The following FGF14 variants were observed in gnomAD, a reference collection of about 807,000 sequenced individuals.
FGF14 encodes fibroblast growth factor homologous factor 4.
FGF14 carries 5 observed loss-of-function variants against 25.5 expected under a neutral mutation model. The observed-to-expected ratio is 0.20, with a 90% CI of 0.10 to 0.41. FGF14 has a LOEUF of 0.41. FGF14 is among the 10% of genes least tolerant of loss of function. FGF14 has a pLI of 1.00. For synonymous variants in FGF14, 138 were observed against 118.3 expected (o/e 1.17, Z -1.08); for missense variants, 222 against 320.1 (o/e 0.69, Z 2.34).
chr13:102,019,421 G>A (rs369737439), intron 1 of FGF14, among the ~76,000 whole-genome samples: 44 of 152,224 alleles, frequency 2.9e-4, no homozygotes, highest in Middle Eastern at 6.8e-3. Context: ...TGCCCCGCTC[G>A]AGAGCATCTC....
chr13:101,939,807 C>A (rs1394985912), intron 1 of FGF14, among the ~76,000 whole-genome samples: 2 of 151,950 alleles, frequency 1.3e-5, no homozygotes, highest in Non-Finnish European at 2.9e-5. Context: ...AAGTTAAAGT[C>A]AAAAACCACC....
intron 1 of FGF14, among the ~76,000 whole-genome samples, chr13:101,915,157 G>C (rs2033336676): frequency 6.6e-6 from 1 of 152,122 alleles, no homozygotes; most frequent in African/African-American, 2.4e-5. Flanking sequence ...TTTGAAGCTT[G>C]ATAGTAAGAG....
At chr13:101,995,698 A>G (rs147525526) in intron 1 of FGF14, among the ~76,000 whole-genome samples, 246 of 152,324 alleles carry the variant, frequency 1.6e-3, no homozygotes, top group African/African-American at 5.6e-3. Context: ...AAGAGGAGAG[A>G]AGAGCAACTC....
rs895984896 is a variant in FGF14, at chr13:101,780,879, G to A, written c.409-54069C>T. 1.4e-4 allele frequency among the ~76,000 whole-genome samples: 22 copies of A among 152,150 alleles called. No individual in the cohort carries two copies. In the East Asian group the frequency reaches 4.1e-3, roughly 28 times the overall value. On this transcript the variant is annotated intron_variant, in intron 3 of 4. Coordinates refer to ENST00000376143, the MANE Select transcript of FGF14 (RefSeq NM_004115.4). ...AATTTAGGAACTCTAACGTTCCTCCGAAGCAGACGGCTCCTTGCTCTAAGA... is the reference window on the plus strand; with the variant it reads ...AATTTAGGAACTCTAACGTTCCTCCAAAGCAGACGGCTCCTTGCTCTAAGA...
intron 1 of FGF14, among the ~76,000 whole-genome samples, chr13:102,018,444 A>C (rs1183321064): frequency 1.3e-5 from 2 of 151,952 alleles, no homozygotes; most frequent in Non-Finnish European, 2.9e-5. Flanking sequence ...AGAATCCTCT[A>C]CTGAGTCAAT....
chr13:102,208,609 GT>G (rs1458188398), intron 1 of FGF14, among the ~76,000 whole-genome samples: 3 of 152,130 alleles, frequency 2.0e-5, no homozygotes, highest in African/African-American at 7.2e-5. Context: ...CATATTCCCT[GT>G]TAAAAACCAC....
At chr13:101,854,847 T>C (rs774013645) in intron 3 of FGF14, among the ~76,000 whole-genome samples, 2 of 152,052 alleles carry the variant, frequency 1.3e-5, no homozygotes, top group African/African-American at 2.4e-5. Context: ...TTGTGAATTA[T>C]AGATCTTACA....
At chr13:101,985,435 T>C (rs556594052) in intron 1 of FGF14, among the ~76,000 whole-genome samples, 121 of 152,248 alleles carry the variant, frequency 7.9e-4, no homozygotes, top group African/African-American at 2.8e-3. Flanking sequence ...AAATGTTCCA[T>C]GGACCATGTG....
intron 1 of FGF14, among the ~76,000 whole-genome samples, chr13:102,278,645 T>TAC (rs1445760652): frequency 0.02 from 2,947 of 147,034 alleles, 110 homozygotes; most frequent in African/African-American, 0.07. Context: ...TATATATATA[T>TAC]ACATACACAC....
intron 3 of FGF14, among the ~76,000 whole-genome samples, chr13:101,811,756 C>G (rs2041522180): frequency 6.6e-6 from 1 of 152,164 alleles, no homozygotes; most frequent in Non-Finnish European, 1.5e-5. Flanking sequence ...GTTCCTGTTG[C>G]TCCCCAGCGT....
chr13:102,154,913 A>C (rs932552728), intron 1 of FGF14, among the ~76,000 whole-genome samples: 3 of 152,212 alleles, frequency 2.0e-5, no homozygotes, highest in Non-Finnish European at 2.9e-5. Flanking sequence ...AAAGAGACAA[A>C]GAAGGCCATT....
chr13:102,031,259 G>A (rs541728538), intron 1 of FGF14, among the ~76,000 whole-genome samples: 5 of 152,002 alleles, frequency 3.3e-5, no homozygotes, highest in African/African-American at 1.2e-4. Flanking sequence ...GACTATTTTT[G>A]TTGTAAAAAT....
chr13:101,889,539 A>G (rs1254580110), intron 1 of FGF14, among the ~76,000 whole-genome samples: 1 of 152,194 alleles, frequency 6.6e-6, no homozygotes, highest in African/African-American at 2.4e-5. Flanking sequence ...AAATAACCAG[A>G]CATATTTATA....
chr13:102,150,191 A>G (rs2047021748), intron 1 of FGF14, among the ~76,000 whole-genome samples: 1 of 152,116 alleles, frequency 6.6e-6, no homozygotes, highest in Non-Finnish European at 1.5e-5. Context: ...TCTCGACCTC[A>G]GAGATTATCA....
intron 1 of FGF14, among the ~76,000 whole-genome samples, chr13:102,386,594 C>T (rs1252203150): frequency 6.6e-6 from 1 of 152,202 alleles, no homozygotes. Context: ...CCTCCTTCTG[C>T]TTTCAATAAC....
chr13:101,734,626 A>C (rs1241916627), intron 3 of FGF14, among the ~76,000 whole-genome samples: 1 of 152,148 alleles, frequency 6.6e-6, no homozygotes, highest in Admixed American at 6.6e-5. Flanking sequence ...GTGTTGCCTC[A>C]ATATTAACAA....
At chr13:102,061,061 C>T (rs1305248605) in intron 1 of FGF14, among the ~76,000 whole-genome samples, 3 of 152,168 alleles carry the variant, frequency 2.0e-5, no homozygotes, top group Admixed American at 2.0e-4. Context: ...AGGAGAAGAA[C>T]ACCTTCCCAT....
chr13:102,240,159 G>A (rs2051522889), intron 1 of FGF14, among the ~76,000 whole-genome samples: 1 of 151,972 alleles, frequency 6.6e-6, no homozygotes, highest in African/African-American at 2.4e-5. Flanking sequence ...AGCATCATAG[G>A]GAGAAAATGC....
At chr13:102,366,224 G>A (rs2057708266) in intron 1 of FGF14, among the ~76,000 whole-genome samples, 1 of 151,968 alleles carries the variant, frequency 6.6e-6, no homozygotes, top group Non-Finnish European at 1.5e-5. Context: ...TCCCCTCCTG[G>A]TACCCTGGGA....
Sources: allele counts gnomAD v4.1 joint callset (sites outside exome capture counted in the v4.1 genomes callset), GRCh38; gene constraint gnomAD v4.1.1; transcripts MANE v1.5; gene names NCBI Gene and HGNC (gene_info 2026-07-23, HGNC 2026-07-21).